LPIN1: variants seen among roughly 807,000 people sequenced by gnomAD.
LPIN1 encodes the protein lipin 1, also known as phosphatidate phosphatase LPIN1.
Under a neutral mutation model 107.5 loss-of-function variants are expected in LPIN1, and 71 were observed. That is an observed-to-expected ratio of 0.66 (90% confidence interval 0.55 to 0.80). The LOEUF is 0.80. Among genes scored for constraint, LPIN1 ranks in the 30% least tolerant of loss-of-function variants. The probability of loss-of-function intolerance (pLI) is 0.00; values close to 1 mark genes in which losing one functional copy is unlikely to be tolerated. For synonymous variants in LPIN1, 445 were observed against 452.6 expected (o/e 0.98, Z 0.21); for missense variants, 1,043 against 1,160.6 (o/e 0.90, Z 1.47).
At chr2:11,741,487 T>G in intron 2 of LPIN1, 5 of 1,307,898 alleles carry the variant, frequency 3.8e-6, no homozygotes, top group Non-Finnish European at 5.4e-6. Context: ...ATTAGATAAA[T>G]AATATTGTTT....
At chr2:11,743,862 T>C (rs59416046), upstream of LPIN1, among the ~76,000 whole-genome samples, 6,160 of 152,222 alleles carry the variant, frequency 0.04, 444 homozygotes, top group African/African-American at 0.14. The surrounding 1 kb of genome is among the most constrained non-coding windows in gnomAD (Gnocchi z 4.7). Flanking sequence ...TGTAGGTGGT[T>C]GATCTGGACA....
intron 1 of LPIN1, among the ~76,000 whole-genome samples, chr2:11,738,194 A>G (rs1488188452): frequency 6.6e-6 from 1 of 151,690 alleles, no homozygotes; most frequent in Non-Finnish European, 1.5e-5. Flanking sequence ...ATGAGAACAC[A>G]TGGACACAGG....
At chr2:11,764,078 G>GTATATATATATA (rs770059867) in intron 1 of LPIN1, 1 of 63,248 alleles carries the variant, frequency 1.6e-5, no homozygotes, top group East Asian at 4.0e-4. Context: ...GTGTGTGTGT[G>GTATATATATATA]TATATATATA....
chr2:11,738,057 TA>T (rs1665965323), intron 1 of LPIN1, among the ~76,000 whole-genome samples: 1 of 152,106 alleles, frequency 6.6e-6, no homozygotes, highest in Non-Finnish European at 1.5e-5. Flanking sequence ...TATGCAGCCA[TA>T]AAAAAGATGA....
At chr2:11,784,237 G>A in intron 9 of LPIN1, 10 of 955,084 alleles carry the variant, frequency 1.0e-5, no homozygotes, top group Non-Finnish European at 1.4e-5. Context: ...CCAGGAGGCG[G>A]AGGTTGCATT....
chr2:11,730,979 G>C (rs1294565714), intron 1 of LPIN1, among the ~76,000 whole-genome samples: 2 of 152,234 alleles, frequency 1.3e-5, no homozygotes, highest in Non-Finnish European at 2.9e-5. Context: ...TTAAGACGCA[G>C]CGGTAGGCAG....
At chr2:11,759,194 C>CTTTCT (rs1669223661) in intron 1 of LPIN1, among the ~76,000 whole-genome samples, 1 of 113,376 alleles carries the variant, frequency 8.8e-6, no homozygotes, top group Non-Finnish European at 1.9e-5. Flanking sequence ...TCTTTCTTTT[C>CTTTCT]TTTCTTTCTT....
Position 11,765,461 on chromosome 2 carries a change from G to A in LPIN1, c.-9-72G>A. 7.2e-7 allele frequency: 1 copy of A among 1,384,672 alleles called. No homozygotes were observed. Among genetic ancestry groups the A allele is most frequent in the South Asian group, 1.3e-5 (1 of 77,894 alleles). The allele number at this position is 1,384,672 out of a possible 1,614,324, so 85.8% of individuals were successfully genotyped here. ...TAATCCACGTTTTTGAAATGGTGAG[G>A]AGTTCATTTTGATTGGCTCTTCCTT... On this transcript the variant is annotated intron_variant, in intron 1 of 20. Transcript: ENST00000674199. This position sits in a 1 kb window ranked among gnomAD's most constrained non-coding sequence, Gnocchi z 4.4.
chr2:11,788,345 G>A (rs1266308412), intron 11 of LPIN1, 42 bp from the exon 12 acceptor site: 1 of 1,496,400 alleles, frequency 6.7e-7, no homozygotes, highest in Admixed American at 1.7e-5. Flanking sequence ...TTTTCAGTCT[G>A]AGCCTCGGTT....
intron 18 of LPIN1, chr2:11,816,595 G>A (rs1573006111): frequency 3.3e-5 from 5 of 152,100 alleles, no homozygotes; most frequent in Admixed American, 3.3e-4. Context: ...ATGTCCTCTT[G>A]GAAGGCCAAG....
At chr2:11,792,529 T>C (rs1178583811) in intron 13 of LPIN1, among the ~76,000 whole-genome samples, 2 of 151,940 alleles carry the variant, frequency 1.3e-5, no homozygotes, top group Non-Finnish European at 2.9e-5. Flanking sequence ...ATTACAGCCA[T>C]GCACCACCAC....
At chr2:11,696,663 C>T (rs566744678) in intron 1 of LPIN1, among the ~76,000 whole-genome samples, 35 of 152,212 alleles carry the variant, frequency 2.3e-4, no homozygotes, top group African/African-American at 8.4e-4. Flanking sequence ...TGTCCTGCCC[C>T]GAGTGCTGAG....
Position 11,771,488 on chromosome 2 carries a change from G to C in LPIN1, c.405G>C (p.Thr135=). The C allele has an allele frequency of 6.2e-7, 1 of 1,614,176 alleles. No individual in the cohort carries two copies. The highest frequency in any genetic ancestry group is 8.5e-7 in the Non-Finnish European group (1 of 1,180,032). The change falls in exon 4 of 21, where the codon ACG becomes ACC. Residue 135 remains threonine (T), a synonymous_variant. Coordinates refer to ENST00000674199, the MANE Select transcript of LPIN1 (RefSeq NM_001349206.2). This position sits in a 1 kb window ranked among gnomAD's most constrained non-coding sequence, Gnocchi z 4.8. The part of the protein sequence containing the change: ...VDRMRGLDPS[T]PAQVIAPSET... ...GGATGAGAGGCCTGGACCCCAGCAC[G>C]CCAGCCCAAGTGATCGCTCCCAGCG...
At chr2:11,808,229 G>A (rs2148708878) in intron 17 of LPIN1, among the ~76,000 whole-genome samples, 1 of 152,252 alleles carries the variant, frequency 6.6e-6, no homozygotes, top group South Asian at 2.1e-4. Context: ...TCCCCATCAT[G>A]GAGGACAGTC....
chr2:11,803,150 C>A lies in LPIN1; in HGVS notation c.2013+117C>A, dbSNP rs1334667004. On this transcript the variant is annotated intron_variant, in intron 15 of 20. Coordinates refer to ENST00000674199, the MANE Select transcript of LPIN1 (RefSeq NM_001349206.2). This position sits in a 1 kb window ranked among gnomAD's most constrained non-coding sequence, Gnocchi z 4.2. ...ACTTGTCACCTTTCATCCCAGGGGG[C>A]CTGCAATCCCTCAACTGGGTACCCG... 7.2e-7 allele frequency: 1 copy of A among 1,388,754 alleles called. No homozygotes were observed. The highest frequency in any genetic ancestry group is 1.0e-6 in the Non-Finnish European group (1 of 990,062). 86.0% of individuals were successfully genotyped at this position (1,388,754 alleles called of 1,614,324 possible). A position where few individuals can be genotyped will look rare whatever the true frequency, so the allele number is the denominator to read the frequency against.
intron 1 of LPIN1, among the ~76,000 whole-genome samples, chr2:11,690,913 C>T (rs1662236017): frequency 6.6e-6 from 1 of 151,972 alleles, no homozygotes; most frequent in African/African-American, 2.4e-5. Flanking sequence ...CAATTATTCT[C>T]ATTTAACAGT....
At chr2:11,700,219 C>A (rs76514964) in intron 1 of LPIN1, among the ~76,000 whole-genome samples, 1 of 151,584 alleles carries the variant, frequency 6.6e-6, no homozygotes, top group African/African-American at 2.4e-5. Flanking sequence ...ATCCAAGAAC[C>A]CACTCTTTCC....
rs1682447459 is a variant in LPIN1, at chr2:11,826,954, TG to T, written c.*2165del. 6.5e-6 allele frequency: 1 copy of T among 152,682 alleles called. No individual in the cohort carries two copies. Among genetic ancestry groups the T allele is most frequent in the African/African-American group, 2.4e-5 (1 of 41,462 alleles). The allele number at this position is 152,682 out of a possible 1,614,324, so 9.5% of individuals were successfully genotyped here. On this transcript the variant is annotated 3_prime_UTR_variant, in exon 21 of 21. Coordinates refer to ENST00000674199, the MANE Select transcript of LPIN1 (RefSeq NM_001349206.2). ...GGCTGGCATATTAACACCTGCCTTC[TG>T]GCTTCTGAAAGTGAGATTTGTATAT...
Position 11,767,550 on chromosome 2 carries a change from C to A in LPIN1, c.193-213C>A, listed in dbSNP as rs778887534. 11 of 596,824 alleles carry A rather than the reference C, an allele frequency of 1.8e-5. No individual in the cohort carries two copies. The South Asian group carries it at 2.2e-4, about 12-fold the overall frequency. 37.0% of individuals were successfully genotyped at this position (596,824 alleles called of 1,614,324 possible). ...ACGTACTGTTTTGGGTTCCATCTTTCCTGGTCAGGGACCTGCCCTCCCGAA... is the reference window on the plus strand; with the variant it reads ...ACGTACTGTTTTGGGTTCCATCTTTACTGGTCAGGGACCTGCCCTCCCGAA... On this transcript the variant is annotated intron_variant, in intron 2 of 20. Coordinates refer to ENST00000674199, the MANE Select transcript of LPIN1 (RefSeq NM_001349206.2).
Sources: gnomAD v4.1 joint callset for allele counts (sites outside exome capture counted in the v4.1 genomes callset) on GRCh38, gnomAD v4.1.1 for gene constraint, Gnocchi (gnomAD v3.1) non-coding constraint, MANE v1.5 for transcripts, NCBI Gene and HGNC (gene_info 2026-07-23, HGNC 2026-07-21) for gene names.